IQUB: variants seen among roughly 807,000 people sequenced by gnomAD.
IQUB encodes the protein IQ motif and ubiquitin domain containing.
IQUB carries 86 observed loss-of-function variants against 86.4 expected under a neutral mutation model. That is an observed-to-expected ratio of 1.00 (90% CI 0.84 to 1.19). IQUB has a LOEUF of 1.19. IQUB is among the 50% of genes most tolerant of loss of function. The pLI, the probability that IQUB is intolerant of heterozygous loss-of-function variation, is 0.00. For missense variants in IQUB, 946 were observed against 916.9 expected (o/e 1.03, Z -0.41); for synonymous variants, 289 against 304.5 (o/e 0.95, Z 0.53).
intron 7 of IQUB, 63 bp downstream of exon 7, chr7:123,496,633 A>G: frequency 1.0e-6 from 1 of 986,272 alleles, no homozygotes; most frequent in Non-Finnish European, 1.5e-6. Flanking sequence ...TCTGCAGTAA[A>G]TCTGTTTTTC....
At chr7:123,463,246 A>G (rs1794087172) in intron 10 of IQUB, among the ~76,000 whole-genome samples, 1 of 151,748 alleles carries the variant, frequency 6.6e-6, no homozygotes, top group Admixed American at 6.6e-5. Context: ...CTCTTTTTAA[A>G]GTAAACATGC....
At chr7:123,529,392 A>G (rs958376793) in intron 1 of IQUB, among the ~76,000 whole-genome samples, 3 of 151,774 alleles carry the variant, frequency 2.0e-5, no homozygotes, top group Admixed American at 1.3e-4. Flanking sequence ...ATTCTTTTCA[A>G]CAACTTCACA....
Position 123,461,585 on chromosome 7 carries a change from T to C in IQUB, c.1779A>G (p.Lys593=), listed in dbSNP as rs1346472250. 6.2e-7 allele frequency: 1 copy of C among 1,609,862 alleles called. No individual in the cohort carries two copies. The highest frequency in any genetic ancestry group is 1.3e-5 in the African/African-American group (1 of 74,650). ...GGCAAAAGTAAATCTTCTTATAAAA[T>C]TTCAATGGGTCTTGAGGGACCTAAA... ...KYLKVPQDPL[K]FYKKIYFCHS... is the part of the protein sequence containing the mutation. Residue 593 remains lysine, a synonymous_variant, in exon 11 of 13, where the codon AAA becomes AAG. Coordinates refer to ENST00000324698, the MANE Select transcript of IQUB (RefSeq NM_178827.5).
At chr7:123,489,023 A>G (rs1795340692) in intron 7 of IQUB, among the ~76,000 whole-genome samples, 1 of 152,224 alleles carries the variant, frequency 6.6e-6, no homozygotes, top group Admixed American at 6.5e-5. Flanking sequence ...AAGAAGCCAG[A>G]AATAAAATAT....
chr7:123,478,474 G>A (rs1794846483), intron 8 of IQUB, among the ~76,000 whole-genome samples: 1 of 152,078 alleles, frequency 6.6e-6, no homozygotes, highest in Non-Finnish European at 1.5e-5. Context: ...TAATGTAGAT[G>A]ATGAGTTAAT....
In IQUB at chr7:123,510,039, T is replaced by C. The variant is rs1257520783; in HGVS notation, c.398-4A>G. ...ACTGGAATAAGTACAACTTTTACTGTAAATTAAATAGAAAAGAAAGAATTA... is the reference window on the plus strand; with the variant it reads ...ACTGGAATAAGTACAACTTTTACTGCAAATTAAATAGAAAAGAAAGAATTA... On this transcript the variant is annotated splice_region_variant and splice_polypyrimidine_tract_variant and intron_variant, in intron 2 of 12. Transcript: ENST00000324698. The C allele has an allele frequency of 1.3e-6, 2 of 1,523,488 alleles. No individual in the cohort carries two copies. Among genetic ancestry groups the C allele is most frequent in the East Asian group, 4.5e-5 (2 of 44,050 alleles). 94.4% of individuals were successfully genotyped at this position (1,523,488 alleles called of 1,614,324 possible).
chr7:123,464,815 G>A lies in IQUB; in HGVS notation c.1758+18C>T. On this transcript the variant is annotated intron_variant, in intron 10 of 12. Coordinates refer to ENST00000324698, the MANE Select transcript of IQUB (RefSeq NM_178827.5). ...CTTAGGATTTTGAAACAGGAATATAGAGAAAAATGTAGAATACCTTAAGGT... is the reference window on the plus strand; with the variant it reads ...CTTAGGATTTTGAAACAGGAATATAAAGAAAAATGTAGAATACCTTAAGGT... 2 of 1,494,590 alleles carry A rather than the reference G, an allele frequency of 1.3e-6. No individual in the cohort carries two copies. The highest frequency in any genetic ancestry group is 1.3e-5 in the South Asian group (1 of 77,586). 92.6% of individuals were successfully genotyped at this position (1,494,590 alleles called of 1,614,324 possible).
At chr7:123,475,184 T>C (rs1025657502) in intron 8 of IQUB, among the ~76,000 whole-genome samples, 3 of 152,120 alleles carry the variant, frequency 2.0e-5, no homozygotes, top group African/African-American at 7.2e-5. Flanking sequence ...TAGTTCCCTC[T>C]AGAACAACTC....
intron 1 of IQUB, among the ~76,000 whole-genome samples, chr7:123,527,564 G>A (rs1243153363): frequency 4.6e-5 from 7 of 152,158 alleles, no homozygotes; most frequent in African/African-American, 1.2e-4. Context: ...GTCTGTTGGA[G>A]CACCCGGCCG....
chr7:123,455,138 A>T (rs187538643), intron 12 of IQUB, among the ~76,000 whole-genome samples: 1 of 152,168 alleles, frequency 6.6e-6, no homozygotes, highest in East Asian at 1.9e-4. Flanking sequence ...ATAATTGTAC[A>T]TATTTACGGG....
At chr7:123,528,023 C>T (rs572060549) in intron 1 of IQUB, among the ~76,000 whole-genome samples, 3 of 152,340 alleles carry the variant, frequency 2.0e-5, no homozygotes, top group African/African-American at 4.8e-5. Flanking sequence ...CCTGGTCCGC[C>T]GTTTTTTAAG....
chr7:123,501,107 G>A (rs539249756), intron 6 of IQUB: 3 of 152,212 alleles, frequency 2.0e-5, no homozygotes, highest in African/African-American at 7.2e-5. Flanking sequence ...AGAAGTCACT[G>A]GGTGGGGCTT....
chr7:123,527,970 C>A (rs1797332737), intron 1 of IQUB, among the ~76,000 whole-genome samples: 1 of 152,228 alleles, frequency 6.6e-6, no homozygotes, highest in African/African-American at 2.4e-5. Context: ...TAGCGAGACT[C>A]CGTGGGCGTA....
chr7:123,511,244 T>C (rs912887668), intron 2 of IQUB, among the ~76,000 whole-genome samples: 4 of 152,166 alleles, frequency 2.6e-5, no homozygotes, highest in African/African-American at 9.7e-5. Context: ...TTCTCCACTC[T>C]GTAGGCAGAA....
intron 1 of IQUB, among the ~76,000 whole-genome samples, chr7:123,512,935 A>G (rs894317113): frequency 4.6e-5 from 7 of 152,172 alleles, no homozygotes; most frequent in Non-Finnish European, 8.8e-5. Context: ...GACAGCATCT[A>G]AAAGCTTGGG....
intron 1 of IQUB, among the ~76,000 whole-genome samples, chr7:123,522,339 T>C (rs1217811404): frequency 6.6e-6 from 1 of 152,200 alleles, no homozygotes; most frequent in Non-Finnish European, 1.5e-5. Context: ...TGACCCAGCA[T>C]CCAAGAAACA....
intron 3 of IQUB, among the ~76,000 whole-genome samples, chr7:123,507,248 A>G (rs1422183451): frequency 1.3e-5 from 2 of 152,312 alleles, no homozygotes; most frequent in South Asian, 2.1e-4. Flanking sequence ...CGAGCACCCA[A>G]TCATTCTGTT....
chr7:123,502,731 GA>G lies in IQUB; in HGVS notation c.888del (p.Leu297SerfsTer12), dbSNP rs770595555. On this transcript the variant is annotated frameshift_variant, in exon 6 of 13. Coordinates refer to ENST00000324698, the MANE Select transcript of IQUB (RefSeq NM_178827.5). LOFTEE classifies it high-confidence loss of function. ...GATGTTGTATTTGTAGTTTGTTGGA[GA>G]TTTTTTTTCTGAAAAACTGTCTAAA... Reference protein sequence around the residue: ...RDTQTVFQKKNLQQTTNTTST... With the variant: ...RDTQTVFQKKXLQQTTNTTST... 3.1e-6 allele frequency: 5 copies of G among 1,601,554 alleles called. No homozygotes were observed. The highest frequency in any genetic ancestry group is 4.5e-5 in the East Asian group (2 of 44,702).
At chr7:123,491,152 A>G (rs184979400) in intron 7 of IQUB, among the ~76,000 whole-genome samples, 1 of 152,218 alleles carries the variant, frequency 6.6e-6, no homozygotes, top group African/African-American at 2.4e-5. Context: ...GGATAATTAG[A>G]AAGTATTTTG....
Sources: gnomAD v4.1 joint callset for allele counts (sites outside exome capture counted in the v4.1 genomes callset) on GRCh38, gnomAD v4.1.1 for gene constraint, MANE v1.5 for transcripts, NCBI Gene and HGNC (gene_info 2026-07-23, HGNC 2026-07-21) for gene names.